The following PCDHGA7 variants were observed in gnomAD, a reference collection of about 807,000 sequenced individuals.
The protein encoded by PCDHGA7 is protocadherin gamma-A7.
A neutral mutation model predicts 58.3 loss-of-function variants in PCDHGA7; 44 were observed. The observed-to-expected ratio is 0.75, with a 90% CI of 0.59 to 0.97. PCDHGA7 has a LOEUF of 0.97. Ranked by LOEUF, PCDHGA7 falls within the 50% of genes least tolerant of loss-of-function variation. The pLI is 0.00. For missense variants in PCDHGA7, 1,266 were observed against 1,188.7 expected, an observed-to-expected ratio of 1.06 and a Z score of -0.96; for synonymous variants, 516 against 504.2, an observed-to-expected ratio of 1.02 and a Z score of -0.31.
At chr5:141,451,673 G>A (rs912482749) in intron 1 of PCDHGA7, among the ~76,000 whole-genome samples, 4 of 152,164 alleles carry the variant, frequency 2.6e-5, no homozygotes, top group African/African-American at 7.2e-5. Context: ...CTTGAGCCCA[G>A]GAGTTCAAGA....
chr5:141,498,078 G>A (rs1165770641), intron 2 of PCDHGA7, among the ~76,000 whole-genome samples: 6 of 152,194 alleles, frequency 3.9e-5, no homozygotes, highest in African/African-American at 1.4e-4. Flanking sequence ...ATAAGTGCTA[G>A]GTAGAATTGT....
At chr5:141,484,050 C>T (rs1262678828) in intron 1 of PCDHGA7, among the ~76,000 whole-genome samples, 1 of 151,984 alleles carries the variant, frequency 6.6e-6, no homozygotes, top group Non-Finnish European at 1.5e-5. Flanking sequence ...CAAGAGGTCC[C>T]CTGGGGCTAA....
intron 1 of PCDHGA7, among the ~76,000 whole-genome samples, chr5:141,452,416 C>T (rs2098741061): frequency 6.6e-6 from 1 of 152,144 alleles, no homozygotes; most frequent in African/African-American, 2.4e-5. Context: ...GAGGTATGCT[C>T]ACTGCTAATG....
rs1354510383 is a variant in PCDHGA7, at chr5:141,432,312, G to A, written c.2424+46989G>A. The A allele has an allele frequency of 5.6e-6, 9 of 1,614,132 alleles. No homozygotes were observed. The highest frequency in any genetic ancestry group is 7.6e-6 in the Non-Finnish European group (9 of 1,180,054). On this transcript the variant is annotated intron_variant, in intron 1 of 3. Transcript: ENST00000518325. The surrounding 1 kb of genome is among the most constrained non-coding windows in gnomAD (Gnocchi z 6.0). Reference sequence around the variant, plus strand: ...GACACTGGGGTACTGTATGCGCTGAGCTCCTTCGACTACGAGCAGTTCCGA... The same window carrying A: ...GACACTGGGGTACTGTATGCGCTGAACTCCTTCGACTACGAGCAGTTCCGA...
intron 1 of PCDHGA7, among the ~76,000 whole-genome samples, chr5:141,467,854 T>C (rs1337373000): frequency 6.6e-6 from 1 of 151,968 alleles, no homozygotes; most frequent in Admixed American, 6.6e-5. Flanking sequence ...GAATGAGATT[T>C]CACCATGTTG....
intron 1 of PCDHGA7, among the ~76,000 whole-genome samples, chr5:141,444,058 C>A (rs2154560450): frequency 6.8e-6 from 1 of 147,774 alleles, no homozygotes; most frequent in East Asian, 2.0e-4. Context: ...CATCTTCAAT[C>A]TAGATTCTGA....
chr5:141,500,365 C>T (rs888624200), intron 2 of PCDHGA7, among the ~76,000 whole-genome samples: 5 of 151,956 alleles, frequency 3.3e-5, no homozygotes, highest in South Asian at 2.1e-4. Flanking sequence ...CCCACTACCA[C>T]GCCCGGCTAA....
intron 1 of PCDHGA7, among the ~76,000 whole-genome samples, chr5:141,438,828 A>T (rs1364963084): frequency 6.7e-6 from 1 of 149,956 alleles, no homozygotes; most frequent in Non-Finnish European, 1.5e-5. Context: ...TGCCCAGCTA[A>T]TTTTTTAAAA....
Position 141,431,980 on chromosome 5 carries a change from C to G in PCDHGA7, c.2424+46657C>G. The G allele has an allele frequency of 6.2e-7, 1 of 1,614,214 alleles. No homozygotes were observed. The highest frequency in any genetic ancestry group is 8.5e-7 in the Non-Finnish European group (1 of 1,180,024). ...GAAATTACTATAGTTTAGTCACAGACATAGTCTTGGATAGGGAACAGGTTC... is the reference window on the plus strand; with the variant it reads ...GAAATTACTATAGTTTAGTCACAGAGATAGTCTTGGATAGGGAACAGGTTC... On this transcript the variant is annotated intron_variant, in intron 1 of 3. Transcript: ENST00000518325. The surrounding 1 kb of genome is among the most constrained non-coding windows in gnomAD (Gnocchi z 4.8).
At chr5:141,500,450 C>A (rs2099800340) in intron 2 of PCDHGA7, among the ~76,000 whole-genome samples, 1 of 152,072 alleles carries the variant, frequency 6.6e-6, no homozygotes, top group Non-Finnish European at 1.5e-5. Flanking sequence ...ACCTCGTGAT[C>A]CGCCCGCCTC....
intron 1 of PCDHGA7, chr5:141,422,068 T>C (rs1340696188): frequency 2.5e-6 from 4 of 1,612,076 alleles, no homozygotes; most frequent in Non-Finnish European, 3.4e-6. Flanking sequence ...AGTAATGTAT[T>C]CATTTCGGAA....
At chr5:141,447,390 G>A (rs1048677634) in intron 1 of PCDHGA7, among the ~76,000 whole-genome samples, 4 of 151,976 alleles carry the variant, frequency 2.6e-5, no homozygotes, top group Admixed American at 6.6e-5. Flanking sequence ...TGCCCACCTC[G>A]GCCTCCCAAA....
At chr5:141,450,829 A>T (rs187691791) in intron 1 of PCDHGA7, among the ~76,000 whole-genome samples, 19,077 of 135,014 alleles carry the variant, frequency 0.14, 1,595 homozygotes, top group African/African-American at 0.24. Context: ...TATTATTATT[A>T]TTTTTTTTTT....
chr5:141,400,290 C>T, intron 1 of PCDHGA7: 3 of 1,614,090 alleles, frequency 1.9e-6, no homozygotes, highest in Non-Finnish European at 2.5e-6. Context: ...CCGCCTGGAG[C>T]TGCTTCCAAC....
At chr5:141,449,349 G>A (rs191322076) in intron 1 of PCDHGA7, among the ~76,000 whole-genome samples, 2 of 151,956 alleles carry the variant, frequency 1.3e-5, no homozygotes, top group African/African-American at 4.8e-5. Flanking sequence ...GCTCACTCCT[G>A]TAATCCCAGC....
chr5:141,445,889 C>A (rs920382027), intron 1 of PCDHGA7, among the ~76,000 whole-genome samples: 6 of 152,110 alleles, frequency 3.9e-5, no homozygotes, highest in African/African-American at 1.4e-4. Context: ...TACTTAGGAG[C>A]TATTAAAATA....
At chr5:141,422,473 G>A (rs2096650443) in intron 1 of PCDHGA7, 7 of 1,613,740 alleles carry the variant, frequency 4.3e-6, no homozygotes, top group Non-Finnish European at 5.1e-6. Context: ...CAGGGAGTTG[G>A]TCCAGAGCTA....
At chr5:141,399,095 T>G (rs1342683408) in intron 1 of PCDHGA7, 2 of 1,613,850 alleles carry the variant, frequency 1.2e-6, no homozygotes, top group East Asian at 2.2e-5. Context: ...GGTGGTGGAC[T>G]GGTTGCACAA....
chr5:141,394,700 G>A (rs775789970), intron 1 of PCDHGA7: 1 of 1,613,138 alleles, frequency 6.2e-7, no homozygotes, highest in Non-Finnish European at 8.5e-7. Flanking sequence ...TGCGCACGGC[G>A]CGAGCCCTGC....
Sources: gnomAD v4.1 joint callset for allele counts (sites outside exome capture counted in the v4.1 genomes callset) on GRCh38, gnomAD v4.1.1 for gene constraint, Gnocchi (gnomAD v3.1) non-coding constraint, MANE v1.5 for transcripts, NCBI Gene and HGNC (gene_info 2026-07-23, HGNC 2026-07-21) for gene names.